OVOL2: variants seen among roughly 807,000 people sequenced by gnomAD.
OVOL2 encodes transcription factor Ovo-like 2.
OVOL2 carries 13 observed loss-of-function variants against 18.1 expected under a neutral mutation model. That is an observed-to-expected ratio of 0.72 (90% confidence interval 0.47 to 1.14). The LOEUF (loss-of-function observed/expected upper bound fraction) is 1.14, where lower values mean the gene tolerates loss of function less well. Among genes scored for constraint, OVOL2 ranks in the 50% most tolerant of loss-of-function variants. The probability of loss-of-function intolerance (pLI) is 0.00; values close to 1 mark genes in which losing one functional copy is unlikely to be tolerated. For synonymous variants in OVOL2, 166 were observed against 162.7 expected, an observed-to-expected ratio of 1.02 and a Z score of -0.16; for missense variants, 335 against 383.0, an observed-to-expected ratio of 0.87 and a Z score of 1.05.
chr20:18,058,105 C>T (rs960777939), upstream of OVOL2, among the ~76,000 whole-genome samples: 6 of 152,196 alleles, frequency 3.9e-5, no homozygotes, highest in Non-Finnish European at 7.3e-5. Context: ...ACCCCCGCCC[C>T]ATTCCCCCAT....
intron 3 of OVOL2, among the ~76,000 whole-genome samples, chr20:18,031,722 C>T (rs1040644055): frequency 6.6e-6 from 1 of 152,180 alleles, no homozygotes; most frequent in South Asian, 2.1e-4. Context: ...TAAAATGTGG[C>T]TGGTGGAGGA....
intron 3 of OVOL2, among the ~76,000 whole-genome samples, chr20:18,030,327 T>G (rs960044545): frequency 9.2e-5 from 14 of 152,226 alleles, no homozygotes; most frequent in African/African-American, 2.9e-4. Flanking sequence ...ACCCAGAGAT[T>G]AGTTGCTCCT....
intron 3 of OVOL2, among the ~76,000 whole-genome samples, chr20:18,033,235 G>A (rs569273346): frequency 6.6e-5 from 10 of 152,170 alleles, no homozygotes; most frequent in Non-Finnish European, 1.3e-4. Flanking sequence ...TGTAGGCCCC[G>A]ATGGAAGATA....
intron 2 of OVOL2, among the ~76,000 whole-genome samples, chr20:18,053,604 G>A (rs772406374): frequency 1.8e-4 from 28 of 152,032 alleles, no homozygotes; most frequent in Non-Finnish European, 2.9e-4. Flanking sequence ...GGGAGGCTGA[G>A]GCAGGAGAAT....
At chr20:18,037,664 A>T (rs533392771) in intron 3 of OVOL2, among the ~76,000 whole-genome samples, 2 of 152,184 alleles carry the variant, frequency 1.3e-5, no homozygotes, top group Non-Finnish European at 2.9e-5. Context: ...GAGGGTAGGG[A>T]GAACTGCCCA....
intron 3 of OVOL2, among the ~76,000 whole-genome samples, chr20:18,040,117 T>C (rs1330349645): frequency 6.6e-6 from 1 of 152,122 alleles, no homozygotes; most frequent in Non-Finnish European, 1.5e-5. Context: ...GGGGAGACAG[T>C]CTTTCGATGT....
chr20:18,055,771 G>C (rs1306907998), intron 2 of OVOL2, among the ~76,000 whole-genome samples: 2 of 152,222 alleles, frequency 1.3e-5, no homozygotes, highest in African/African-American at 4.8e-5. Context: ...CGGGGGTCTA[G>C]GGGGTGCACA....
chr20:18,042,887 A>C (rs540401606), intron 2 of OVOL2, among the ~76,000 whole-genome samples: 153 of 151,724 alleles, frequency 1.0e-3, no homozygotes, highest in African/African-American at 3.2e-3. Flanking sequence ...AAGCTTCCTG[A>C]GGGCCTCACC....
intron 3 of OVOL2, among the ~76,000 whole-genome samples, chr20:18,038,872 T>A (rs566929928): frequency 2.0e-4 from 31 of 152,034 alleles, no homozygotes; most frequent in East Asian, 3.9e-4. Context: ...GCTGGATGGG[T>A]CCCTTGACAA....
intron 2 of OVOL2, among the ~76,000 whole-genome samples, chr20:18,049,553 C>CG (rs986055675): frequency 6.7e-6 from 1 of 149,982 alleles, no homozygotes; most frequent in Non-Finnish European, 1.5e-5. Flanking sequence ...ATTCAGATTC[C>CG]CCCCCCGATC....
intron 2 of OVOL2, among the ~76,000 whole-genome samples, chr20:18,045,502 A>G (rs553957380): frequency 6.6e-5 from 10 of 152,316 alleles, no homozygotes; most frequent in African/African-American, 2.2e-4. Context: ...TAGAATGAAA[A>G]TCTCAAATCG....
intron 3 of OVOL2, among the ~76,000 whole-genome samples, chr20:18,034,007 CCT>C (rs1308914398): frequency 1.3e-5 from 2 of 152,170 alleles, no homozygotes; most frequent in East Asian, 3.9e-4. Flanking sequence ...GCTCATGTCC[CCT>C]CTCTCTATTT....
rs545407331 is a variant in OVOL2 at position 18,056,269 on chromosome 20, G to T, written c.321+388C>A. Among the ~76,000 whole-genome samples, 7 of 152,254 alleles carry T rather than the reference G, an allele frequency of 4.6e-5. No homozygotes were observed. The highest frequency in any genetic ancestry group is 8.8e-5 in the Non-Finnish European group (6 of 68,050). ...AGAGGGTGGAATTTCTGAGAGCGCTGAGGCTTCCTTTCCAACCTCAGGAAC... is the reference window on the plus strand; with the variant it reads ...AGAGGGTGGAATTTCTGAGAGCGCTTAGGCTTCCTTTCCAACCTCAGGAAC... On this transcript the variant is annotated intron_variant, in intron 2 of 3. Coordinates refer to ENST00000278780, the MANE Select transcript of OVOL2 (RefSeq NM_021220.4). This position sits in a 1 kb window ranked among gnomAD's most constrained non-coding sequence, Gnocchi z 4.2.
intron 3 of OVOL2, among the ~76,000 whole-genome samples, chr20:18,035,478 C>A (rs1863042609): frequency 6.6e-6 from 1 of 152,158 alleles, no homozygotes; most frequent in African/African-American, 2.4e-5. Context: ...AATAAGCAAA[C>A]AACAAAGGTA....
intron 2 of OVOL2, among the ~76,000 whole-genome samples, chr20:18,041,985 A>G (rs1600444799): frequency 7.0e-6 from 1 of 143,566 alleles, no homozygotes. Flanking sequence ...ATCTCAGCTC[A>G]CCGTAACCTC....
At chr20:18,050,638 A>G (rs2036763898) in intron 2 of OVOL2, 1 of 152,190 alleles carries the variant, frequency 6.6e-6, no homozygotes, top group Admixed American at 6.5e-5. Context: ...TAATTAATTT[A>G]ACCTTCATCA....
chr20:18,040,036 A>G (rs1402191036), intron 3 of OVOL2, among the ~76,000 whole-genome samples: 1 of 152,074 alleles, frequency 6.6e-6, no homozygotes, highest in Non-Finnish European at 1.5e-5. Flanking sequence ...GCGATCCTCC[A>G]GCCTCAGTCT....
At chr20:18,029,096 G>A (rs755272144) in intron 3 of OVOL2, among the ~76,000 whole-genome samples, 4 of 152,006 alleles carry the variant, frequency 2.6e-5, no homozygotes, top group Admixed American at 6.6e-5. Flanking sequence ...GCACAATGTC[G>A]GCTCACTGCA....
intron 2 of OVOL2, among the ~76,000 whole-genome samples, chr20:18,055,544 G>C (rs1400755059): frequency 1.3e-5 from 2 of 152,170 alleles, no homozygotes; most frequent in Non-Finnish European, 2.9e-5. Context: ...TTGGATCCCA[G>C]CTGAAGCCTC....
Sources: gnomAD v4.1 joint callset for allele counts (sites outside exome capture counted in the v4.1 genomes callset) on GRCh38, gnomAD v4.1.1 for gene constraint, Gnocchi (gnomAD v3.1) non-coding constraint, MANE v1.5 for transcripts, NCBI Gene and HGNC (gene_info 2026-07-23, HGNC 2026-07-21) for gene names.